ODF2: variants seen among roughly 807,000 people sequenced by gnomAD.
The protein encoded by ODF2 is outer dense fiber protein 2.
Under a neutral mutation model 110.2 loss-of-function variants are expected in ODF2, and 47 were observed. The observed-to-expected ratio is 0.43, with a 90% CI of 0.34 to 0.54. The LOEUF (loss-of-function observed/expected upper bound fraction) is 0.54. Among genes scored for constraint, ODF2 ranks in the 20% least tolerant of loss-of-function variants. The probability of loss-of-function intolerance (pLI) is 0.03; values close to 1 mark genes in which losing one functional copy is unlikely to be tolerated. For synonymous variants in ODF2, 352 were observed against 397.7 expected, an observed-to-expected ratio of 0.89 and a Z score of 1.37; for missense variants, 812 against 1,054.5, an observed-to-expected ratio of 0.77 and a Z score of 3.19.
Position 128,500,255 on chromosome 9 carries a change from A to C in ODF2, c.2490A>C (p.Ter830CysextTer23), listed in dbSNP as rs765021635. The C allele has an allele frequency of 1.9e-6, 3 of 1,614,088 alleles. No homozygotes were observed. The Admixed American group carries it at 5.0e-5, about 27-fold the overall frequency. Residue 830 changes from the stop codon to cysteine (C), a stop_lost, in exon 21 of 21, where the codon TGA becomes TGC. Coordinates refer to ENST00000604420, the Ensembl canonical transcript of ODF2. ...TCCGCTCCCGATCTCCTCCTGCCTG[A>C]GGCCACTTATCAGGGCCTGGAGCCC...
At chr9:128,472,099 T>G (rs1840150477) in intron 6 of ODF2, among the ~76,000 whole-genome samples, 2 of 152,120 alleles carry the variant, frequency 1.3e-5, no homozygotes, top group Non-Finnish European at 2.9e-5. Context: ...GCCAACATGG[T>G]GAAACCCTGT....
At chr9:128,470,092 G>C (rs962356305) in intron 5 of ODF2, among the ~76,000 whole-genome samples, 1 of 133,586 alleles carries the variant, frequency 7.5e-6, no homozygotes, top group South Asian at 2.7e-4. Flanking sequence ...GGCCAAGGAA[G>C]TTTGTCCTCA....
intron 4 of ODF2, among the ~76,000 whole-genome samples, chr9:128,462,478 T>C (rs1286820182): frequency 1.3e-5 from 2 of 152,086 alleles, no homozygotes; most frequent in Admixed American, 6.6e-5. Context: ...TTTATAGGAC[T>C]GTGAACCTGA....
intron 3 of ODF2, chr9:128,460,347 G>A: frequency 7.0e-7 from 1 of 1,437,912 alleles, no homozygotes; most frequent in Non-Finnish European, 9.2e-7. Flanking sequence ...CTCCCTTGTG[G>A]TCTTCTGCTG....
chr9:128,466,301 A>G (rs1267145644), intron 4 of ODF2, among the ~76,000 whole-genome samples: 2 of 151,928 alleles, frequency 1.3e-5, no homozygotes, highest in Non-Finnish European at 2.9e-5. Context: ...CCGTATCTCT[A>G]CCAAAAATAC....
rs976395296 is a variant in ODF2 at position 128,484,560 on chromosome 9, C to T, written c.1105-141C>T. On this transcript the variant is annotated intron_variant, in intron 11 of 20. Coordinates refer to ENST00000604420, the Ensembl canonical transcript of ODF2. ...GTCCGAGTTAGGGGAGCCTCTCACA[C>T]AGCTAAGCACTTTTTTCTGTCTTCC... The T allele has an allele frequency of 1.5e-5, 13 of 860,610 alleles. 1 individual carries two copies. The highest frequency in any genetic ancestry group is 1.4e-4 in the African/African-American group (8 of 58,818). 53.3% of individuals were successfully genotyped at this position (860,610 alleles called of 1,614,324 possible). A position where few individuals can be genotyped will look rare whatever the true frequency, so the allele number is the denominator to read the frequency against.
chr9:128,479,804 A>G (rs969227144), intron 8 of ODF2, among the ~76,000 whole-genome samples: 1 of 152,186 alleles, frequency 6.6e-6, no homozygotes, highest in Admixed American at 6.6e-5. Flanking sequence ...AGAGACAGAA[A>G]GCAGATCAGT....
Position 128,492,823 on chromosome 9 carries a change from T to C in ODF2, c.1752+18T>C, listed in dbSNP as rs1052419775. 13 of 1,595,098 alleles carry C rather than the reference T, an allele frequency of 8.1e-6. No individual in the cohort carries two copies. The highest frequency in any genetic ancestry group is 1.1e-5 in the Non-Finnish European group (13 of 1,163,096). On this transcript the variant is annotated intron_variant, in intron 16 of 20. Transcript: ENST00000604420. ...TTGAGGCGGTACTGCTTTCCTTCCT[T>C]GTTTTCTTCTCCTACCCAATTCCAT...
intron 7 of ODF2, chr9:128,473,264 G>A (rs990675001): frequency 1.2e-5 from 12 of 984,626 alleles, no homozygotes; most frequent in African/African-American, 1.7e-5. Flanking sequence ...CCTCATCATG[G>A]GTCTCCTGGG....
intron 6 of ODF2, among the ~76,000 whole-genome samples, chr9:128,471,841 G>C (rs1003383565): frequency 6.6e-6 from 1 of 152,150 alleles, no homozygotes; most frequent in Admixed American, 6.6e-5. Context: ...GAAAGTGTTT[G>C]TAGCTGAGAA....
intron 17 of ODF2, 70 bp from the exon 18 acceptor site, chr9:128,495,971 G>A (rs1845498470): frequency 3.8e-6 from 6 of 1,577,758 alleles, no homozygotes; most frequent in Non-Finnish European, 8.6e-7. Flanking sequence ...TGGACAACAG[G>A]TCATAGGGAA....
At chr9:128,493,685 A>T (rs1845068860) in intron 16 of ODF2, among the ~76,000 whole-genome samples, 1 of 152,210 alleles carries the variant, frequency 6.6e-6, no homozygotes, top group Non-Finnish European at 1.5e-5. Flanking sequence ...TCTGGTCCTC[A>T]GTCTCCGTGT....
chr9:128,477,542 C>G (rs1034216969), intron 8 of ODF2, among the ~76,000 whole-genome samples: 1 of 151,754 alleles, frequency 6.6e-6, no homozygotes, highest in Non-Finnish European at 1.5e-5. Context: ...GTTAGACTGT[C>G]CCCCCAAAAA....
chr9:128,456,427 G>A (rs1328470819), intron 1 of ODF2, 172 bp downstream of exon 1: 17 of 1,482,666 alleles, frequency 1.1e-5, no homozygotes, highest in Non-Finnish European at 1.5e-5. Context: ...CCCGCCCACC[G>A]GCGCGGGGCC....
In ODF2 at chr9:128,480,931, T is replaced by C. The variant is rs201056197; in HGVS notation, c.844-649T>C. Reference sequence around the variant, plus strand: ...CCCCCAGAGACAAACAGTATTTCTCTTGATGCAGCAAAATGCTGTTTCATT... The same window carrying C: ...CCCCCAGAGACAAACAGTATTTCTCCTGATGCAGCAAAATGCTGTTTCATT... On this transcript the variant is annotated intron_variant, in intron 8 of 20. Transcript: ENST00000604420. Among the ~76,000 whole-genome samples the C allele has an allele frequency of 2.1e-4, 32 of 152,332 alleles. 1 individual carries two copies. In the East Asian group the frequency reaches 5.4e-3, roughly 26 times the overall value.
intron 4 of ODF2, among the ~76,000 whole-genome samples, chr9:128,462,048 T>A (rs375284373): frequency 1.3e-5 from 2 of 152,194 alleles, no homozygotes; most frequent in African/African-American, 2.4e-5. Context: ...ACAGTATATT[T>A]TTTTTAAAAC....
chr9:128,494,945 T>G lies in ODF2; in HGVS notation c.1911+277T>G. 1.1e-6 allele frequency: 1 copy of G among 929,274 alleles called. No individual in the cohort carries two copies. The highest frequency in any genetic ancestry group is 1.6e-6 in the Non-Finnish European group (1 of 642,188). The allele number at this position is 929,274 out of a possible 1,614,324, so 57.6% of individuals were successfully genotyped here. The stretch of plus-strand genomic sequence containing the variant: ...CCCAAGACTGCTGCCTCTGCCTGTG[T>G]GCTCCGCAGCTGTCCTCAGCTCCAC... On this transcript the variant is annotated intron_variant, in intron 17 of 20. Coordinates refer to ENST00000604420, the Ensembl canonical transcript of ODF2. The surrounding 1 kb of genome is among the most constrained non-coding windows in gnomAD (Gnocchi z 4.6).
At chr9:128,473,878 C>A (rs1840642015) in intron 8 of ODF2, 137 bp downstream of exon 8, 2 of 761,528 alleles carry the variant, frequency 2.6e-6, no homozygotes, top group Non-Finnish European at 4.1e-6. Flanking sequence ...AAATTGTTCA[C>A]ATGAAGTGCT....
In ODF2 at chr9:128,487,773, C is replaced by T. The variant is rs1323801576; in HGVS notation, c.1401-117C>T. 58 of 1,245,070 alleles carry T rather than the reference C, an allele frequency of 4.7e-5. 1 individual carries two copies. The South Asian group carries it at 5.7e-4, about 12-fold the overall frequency. The allele number at this position is 1,245,070 out of a possible 1,614,324, so 77.1% of individuals were successfully genotyped here. A position where few individuals can be genotyped will look rare whatever the true frequency, so the allele number is the denominator to read the frequency against. ...CTGCACTCCAGCCTAGGTGACAGAG[C>T]GAGACTCCGTCTAAAAAAACAAACA... On this transcript the variant is annotated intron_variant, in intron 13 of 20. Coordinates refer to ENST00000604420, the Ensembl canonical transcript of ODF2.
Sources: allele counts gnomAD v4.1 joint callset (sites outside exome capture counted in the v4.1 genomes callset), GRCh38; gene constraint gnomAD v4.1.1; non-coding constraint Gnocchi (gnomAD v3.1); transcripts MANE v1.5; gene names NCBI Gene and HGNC (gene_info 2026-07-23, HGNC 2026-07-21).